Variants in ABI3BP observed in about 807,000 individuals in gnomAD.
ABI3BP encodes ABI family member 3 binding protein, also known as target of Nesh-SH3.
A neutral mutation model predicts 268.6 loss-of-function variants in ABI3BP; 216 were observed. That is an observed-to-expected ratio of 0.80 (90% confidence interval 0.72 to 0.90). ABI3BP has a LOEUF of 0.90. ABI3BP is among the 40% of genes least tolerant of loss of function. ABI3BP has a pLI of 0.00. For missense variants in ABI3BP, 2,090 were observed against 2,182.4 expected, an observed-to-expected ratio of 0.96 and a Z score of 0.84; for synonymous variants, 730 against 730.0, an observed-to-expected ratio of 1.00 and a Z score of 0.00.
intron 21 of ABI3BP, among the ~76,000 whole-genome samples, chr3:100,841,593 A>G (rs970583455): frequency 2.0e-5 from 3 of 152,110 alleles, no homozygotes; most frequent in African/African-American, 7.2e-5. Flanking sequence ...CTGAAGGAAA[A>G]TTAAGAAATA....
At chr3:100,956,966 G>A (rs1008549910) in intron 1 of ABI3BP, among the ~76,000 whole-genome samples, 3 of 152,206 alleles carry the variant, frequency 2.0e-5, no homozygotes, top group African/African-American at 4.8e-5. Context: ...TAGGGTCTTA[G>A]AGGACACTGA....
chr3:100,935,340 T>A (rs1299501254), intron 1 of ABI3BP, among the ~76,000 whole-genome samples: 1 of 152,176 alleles, frequency 6.6e-6, no homozygotes, highest in Non-Finnish European at 1.5e-5. Context: ...GGTCTATATA[T>A]CTGTTTTGGT....
chr3:100,924,509 T>C (rs2576374), intron 2 of ABI3BP, among the ~76,000 whole-genome samples: 152,243 of 152,286 alleles, frequency 1, 76,100 homozygotes, highest in Middle Eastern at 1. Flanking sequence ...GAATACAGTA[T>C]GTATGAAAGA....
At chr3:100,908,986 C>T (rs1050884050) in intron 2 of ABI3BP, among the ~76,000 whole-genome samples, 29 of 152,284 alleles carry the variant, frequency 1.9e-4, no homozygotes, top group African/African-American at 6.3e-4. Context: ...CTGGAGGCAT[C>T]ACACTACCTG....
chr3:100,841,868 CA>C, intron 21 of ABI3BP, 129 bp downstream of exon 21: 4 of 737,434 alleles, frequency 5.4e-6, no homozygotes, highest in South Asian at 2.0e-5. Flanking sequence ...CCAGCCTGGG[CA>C]AAAAAACGAG....
At chr3:100,788,917 C>T (rs2097124803) in intron 56 of ABI3BP, among the ~76,000 whole-genome samples, 1 of 152,020 alleles carries the variant, frequency 6.6e-6, no homozygotes, top group Non-Finnish European at 1.5e-5. Flanking sequence ...TGCAAGTTAA[C>T]TTTTTTTCTG....
chr3:100,945,849 A>C (rs1161187156), intron 1 of ABI3BP, among the ~76,000 whole-genome samples: 1 of 152,078 alleles, frequency 6.6e-6, no homozygotes, highest in Non-Finnish European at 1.5e-5. Context: ...TAGGTGTAAA[A>C]TTGTTCAGTC....
chr3:100,959,489 C>CAAAAAAAAAAAAAAA (rs35465693), intron 1 of ABI3BP, among the ~76,000 whole-genome samples: 1 of 36,094 alleles, frequency 2.8e-5, no homozygotes, highest in Non-Finnish European at 4.9e-5. Context: ...GACTCCGTCT[C>CAAAAAAAAAAAAAAA]AAAAAAAAAA....
At chr3:100,955,784 G>A (rs1358839440) in intron 1 of ABI3BP, among the ~76,000 whole-genome samples, 1 of 152,096 alleles carries the variant, frequency 6.6e-6, no homozygotes, top group Non-Finnish European at 1.5e-5. Context: ...AAAGCTCTCT[G>A]CCATAAGCTG....
intron 2 of ABI3BP, among the ~76,000 whole-genome samples, chr3:100,906,575 G>T (rs945199815): frequency 6.6e-6 from 1 of 152,176 alleles, no homozygotes; most frequent in Admixed American, 6.5e-5. Context: ...CATTTAGAAA[G>T]ATATATACCT....
At chr3:100,751,488 G>T in intron 67 of ABI3BP, 64 bp downstream of exon 67, 6 of 1,430,346 alleles carry the variant, frequency 4.2e-6, no homozygotes, top group Non-Finnish European at 5.6e-6. Flanking sequence ...GCTTTCCTCA[G>T]CTTGATTTCT....
At chr3:100,892,216 C>T (rs1254438860) in intron 4 of ABI3BP, among the ~76,000 whole-genome samples, 4 of 152,154 alleles carry the variant, frequency 2.6e-5, no homozygotes, top group Admixed American at 6.5e-5. Flanking sequence ...GAATTACCAG[C>T]GTGGAAGAAT....
At chr3:100,908,792 T>C (rs996707908) in intron 2 of ABI3BP, among the ~76,000 whole-genome samples, 1 of 152,206 alleles carries the variant, frequency 6.6e-6, no homozygotes, top group African/African-American at 2.4e-5. Flanking sequence ...TCCATGCTCA[T>C]GGATAGGAAG....
intron 1 of ABI3BP, among the ~76,000 whole-genome samples, chr3:100,938,940 T>A (rs1026354292): frequency 8.5e-5 from 13 of 152,072 alleles, no homozygotes; most frequent in African/African-American, 3.1e-4. Flanking sequence ...GGGGCATGTG[T>A]GTGTGCATGC....
At chr3:100,913,010 C>T (rs996061099) in intron 2 of ABI3BP, among the ~76,000 whole-genome samples, 5 of 152,152 alleles carry the variant, frequency 3.3e-5, no homozygotes, top group Non-Finnish European at 7.4e-5. Context: ...TCAGTCTAGG[C>T]AGAGGCGGGC....
chr3:100,882,288 C>T (rs1204546394), intron 6 of ABI3BP, among the ~76,000 whole-genome samples: 3 of 152,022 alleles, frequency 2.0e-5, no homozygotes, highest in Non-Finnish European at 2.9e-5. Context: ...GTATACACTT[C>T]TTTGGACTAA....
At chr3:100,907,039 A>G (rs947323643) in intron 2 of ABI3BP, among the ~76,000 whole-genome samples, 13 of 152,344 alleles carry the variant, frequency 8.5e-5, no homozygotes, top group South Asian at 6.2e-4. Flanking sequence ...TTTTTTTGTT[A>G]AACTAATTTT....
At chr3:100,916,174 C>G (rs889809969) in intron 2 of ABI3BP, among the ~76,000 whole-genome samples, 1 of 152,166 alleles carries the variant, frequency 6.6e-6, no homozygotes, top group African/African-American at 2.4e-5. Flanking sequence ...GTGAATTCAC[C>G]ACTTTGTTCA....
In ABI3BP at chr3:100,902,657, G is replaced by T; in HGVS notation, c.289C>A (p.Arg97=). 1 of 1,613,806 alleles carries T rather than the reference G, an allele frequency of 6.2e-7. No homozygotes were observed. The highest frequency in any genetic ancestry group is 8.5e-7 in the Non-Finnish European group (1 of 1,179,828). Residue 97 remains arginine (R), a synonymous_variant, in exon 3 of 68, where the codon CGA becomes AGA. Coordinates refer to ENST00000471714, the MANE Select transcript of ABI3BP (RefSeq NM_001375547.2). ...DAEPKYLIVV[R]PAPPPSQKKS... ...TTTTGACTTGGAGGTGGAGCAGGTC[G>T]CACAACTATCAGATATTTCGGCTCT...
Sources: allele counts gnomAD v4.1 joint callset (sites outside exome capture counted in the v4.1 genomes callset), GRCh38; gene constraint gnomAD v4.1.1; transcripts MANE v1.5; gene names NCBI Gene and HGNC (gene_info 2026-07-23, HGNC 2026-07-21).